HINT2: variants seen among roughly 807,000 people sequenced by gnomAD.
HINT2 encodes histidine triad nucleotide binding protein 2, also known as adenosine 5'-monophosphoramidase HINT2.
A neutral mutation model predicts 20.0 loss-of-function variants in HINT2; 17 were observed. That is an observed-to-expected ratio of 0.85 (90% CI 0.58 to 1.27). The LOEUF (loss-of-function observed/expected upper bound fraction) is 1.27, where lower values mean the gene tolerates loss of function less well. HINT2 is among the 50% of genes most tolerant of loss of function. The pLI, the probability that HINT2 is intolerant of heterozygous loss-of-function variation, is 0.00. For missense variants in HINT2, 217 were observed against 211.9 expected (o/e 1.02, Z -0.15); for synonymous variants, 96 against 84.2 (o/e 1.14, Z -0.77).
Position 35,814,972 on chromosome 9 carries a change from G to A in HINT2, c.8C>T (p.Ala3Val). MAAAVVLAAGLRA... is the reference protein window; with the variant it reads MAVAVVLAAGLRA... ...CAACCCAGCAGCCAGCACCACGGCT[G>A]CCGCCATCTTCCCTGAGCCGCGGGA... is the stretch of plus-strand genomic sequence containing the variant. The change falls in exon 1 of 5, where the codon GCA (alanine) becomes GTA (valine). Residue 3 changes from alanine (A) to valine (V), a missense_variant. Physicochemically the swap from Ala to Val is moderately conservative, Grantham distance 64. Transcript: ENST00000259667. 1.4e-6 allele frequency: 2 copies of A among 1,473,786 alleles called. No individual in the cohort carries two copies. Among genetic ancestry groups the A allele is most frequent in the Non-Finnish European group, 1.8e-6 (2 of 1,119,788 alleles). The allele number at this position is 1,473,786 out of a possible 1,614,324, so 91.3% of individuals were successfully genotyped here.
At position 35,813,633 on chromosome 9, in the gene HINT2, G is replaced by C; in HGVS notation, c.222+11C>G. On this transcript the variant is annotated intron_variant, in intron 2 of 4. Coordinates refer to ENST00000259667, the MANE Select transcript of HINT2 (RefSeq NM_032593.3). Reference sequence around the variant, plus strand: ...ACATTCCTAAGGGGATAGGTCCTAAGAGCACCCCACCTGCTGGTCCTCATA... The same window carrying C: ...ACATTCCTAAGGGGATAGGTCCTAACAGCACCCCACCTGCTGGTCCTCATA... 1 of 1,614,196 alleles carries C rather than the reference G, an allele frequency of 6.2e-7. No individual in the cohort carries two copies. Among genetic ancestry groups the C allele is most frequent in the Non-Finnish European group, 8.5e-7 (1 of 1,180,030 alleles).
intron 1 of HINT2, 48 bp downstream of exon 1, chr9:35,814,851 G>C (rs1828978944): frequency 1.4e-6 from 2 of 1,443,426 alleles, no homozygotes; most frequent in South Asian, 2.6e-5. Flanking sequence ...GCCCCGGATG[G>C]CTTCGGAGCC....
chr9:35,813,188 G>A (rs1564001368), intron 4 of HINT2, 43 bp from the exon 5 acceptor site: 1 of 1,612,204 alleles, frequency 6.2e-7, no homozygotes, highest in Admixed American at 1.7e-5. Context: ...TCATGGCAGA[G>A]GTCGAAGAAT....
In HINT2 at chr9:35,812,995, C is replaced by G; in HGVS notation, c.*59G>C. The G allele has an allele frequency of 7.8e-6, 10 of 1,286,564 alleles. No homozygotes were observed. Among genetic ancestry groups the G allele is most frequent in the Non-Finnish European group, 1.0e-5 (9 of 881,238 alleles). The allele number at this position is 1,286,564 out of a possible 1,614,324, so 79.7% of individuals were successfully genotyped here. Reference sequence around the variant, plus strand: ...ACAGTTTTATTAGCATCACAGGGTCCATTTTTCCCTTTCCATCCAAGCATC... The same window carrying G: ...ACAGTTTTATTAGCATCACAGGGTCGATTTTTCCCTTTCCATCCAAGCATC... On this transcript the variant is annotated 3_prime_UTR_variant, in exon 5 of 5. Coordinates refer to ENST00000259667, the MANE Select transcript of HINT2 (RefSeq NM_032593.3).
rs374527612 is a variant in HINT2, at chr9:35,813,435, T to A, written c.327+10A>T. ...TCCTCCCAGCCAAACCCTGGCCCTG[T>A]TCTTCCCACCTGCTGGTCTTCTTCT... On this transcript the variant is annotated intron_variant, in intron 3 of 4. Coordinates refer to ENST00000259667, the MANE Select transcript of HINT2 (RefSeq NM_032593.3). The A allele has an allele frequency of 1.9e-6, 3 of 1,614,060 alleles. No homozygotes were observed. The East Asian group carries it at 6.7e-5, about 36-fold the overall frequency.
upstream of HINT2, chr9:35,815,050 C>T (rs1828987203): frequency 9.9e-6 from 13 of 1,309,558 alleles, no homozygotes; most frequent in South Asian, 2.4e-4. Flanking sequence ...GGTGGGGACT[C>T]CGGGCGCGGG....
At chr9:35,814,741 C>T (rs981712461) in intron 1 of HINT2, 158 bp downstream of exon 1, 14 of 614,192 alleles carry the variant, frequency 2.3e-5, no homozygotes, top group Admixed American at 1.3e-4. Context: ...CCGGAGCCAC[C>T]AGTTCGACCT....
rs1020193220 is a variant in HINT2, at chr9:35,813,001, T to C, written c.*53A>G. ...TTATTAGCATCACAGGGTCCATTTT[T>C]CCCTTTCCATCCAAGCATCCAGAGT... On this transcript the variant is annotated 3_prime_UTR_variant, in exon 5 of 5. Coordinates refer to ENST00000259667, the MANE Select transcript of HINT2 (RefSeq NM_032593.3). 1.3e-5 allele frequency: 18 copies of C among 1,383,044 alleles called. No individual in the cohort carries two copies. The highest frequency in any genetic ancestry group is 1.5e-5 in the Non-Finnish European group (15 of 969,110). 85.7% of individuals were successfully genotyped at this position (1,383,044 alleles called of 1,614,324 possible).
At chr9:35,813,951 T>C in intron 1 of HINT2, 167 bp from the exon 2 acceptor site, 1 of 684,122 alleles carries the variant, frequency 1.5e-6, no homozygotes, top group Non-Finnish European at 2.4e-6. Flanking sequence ...GTGCTGGACC[T>C]GGTTAGATAA....
upstream of HINT2, chr9:35,815,087 GC>G: frequency 9.7e-7 from 1 of 1,033,212 alleles, no homozygotes; most frequent in Non-Finnish European, 1.3e-6. Flanking sequence ...GGCCGGGCGA[GC>G]CCTGCTACCC....
At chr9:35,814,863 G>T in intron 1 of HINT2, 36 bp downstream of exon 1, 1 of 1,467,912 alleles carries the variant, frequency 6.8e-7, no homozygotes, top group Non-Finnish European at 9.0e-7. Context: ...TTCGGAGCCC[G>T]CAGGACCCCC....
At chr9:35,813,574 C>A (rs1032896415) in intron 2 of HINT2, 25 bp from the exon 3 acceptor site, 1 of 1,613,762 alleles carries the variant, frequency 6.2e-7, no homozygotes, top group African/African-American at 1.3e-5. Context: ...AGGCCAGAGG[C>A]CACGTTACTT....
intron 4 of HINT2, 37 bp downstream of exon 4, chr9:35,813,229 T>A (rs1424081433): frequency 6.2e-7 from 1 of 1,613,302 alleles, no homozygotes; most frequent in East Asian, 2.2e-5. Flanking sequence ...GGAATGAGAA[T>A]TCATAGGTGA....
In HINT2 at chr9:35,814,812, G is replaced by T. The variant is rs1828977555; in HGVS notation, c.81+87C>A. On this transcript the variant is annotated intron_variant, in intron 1 of 4. Transcript: ENST00000259667. ...CAGAGGCCACAGGCAGGAGCTCTGC[G>T]CGGCTCTGCGCGCCTTCGGGACCCC... The T allele has an allele frequency of 3.1e-5, 37 of 1,179,000 alleles. No homozygotes were observed. The South Asian group carries it at 5.2e-4, about 17-fold the overall frequency. 73.0% of individuals were successfully genotyped at this position (1,179,000 alleles called of 1,614,324 possible).
At chr9:35,813,874 A>G in intron 1 of HINT2, 90 bp from the exon 2 acceptor site, 1 of 1,413,976 alleles carries the variant, frequency 7.1e-7, no homozygotes, top group East Asian at 2.5e-5. Context: ...TAACCTATTC[A>G]TCGTTCCCAC....
upstream of HINT2, chr9:35,815,104 G>T: frequency 1.1e-6 from 1 of 890,252 alleles, no homozygotes; most frequent in Non-Finnish European, 1.6e-6. Context: ...TACCCCATTG[G>T]AGCGCGCCTC....
intron 1 of HINT2, 69 bp from the exon 2 acceptor site, chr9:35,813,853 C>T (rs1410804228): frequency 8.6e-6 from 13 of 1,514,018 alleles, no homozygotes; most frequent in South Asian, 1.2e-5. Context: ...TTGTTAATTT[C>T]GTCCTTCTAA....
rs1326959607 is a variant in HINT2, at chr9:35,814,725, C to T, written c.81+174G>A. The T allele has an allele frequency of 1.4e-5, 8 of 571,710 alleles. No homozygotes were observed. In the African/African-American group the frequency reaches 1.6e-4, roughly 11 times the overall value. The allele number at this position is 571,710 out of a possible 1,614,324, so 35.4% of individuals were successfully genotyped here. On this transcript the variant is annotated intron_variant, in intron 1 of 4. Coordinates refer to ENST00000259667, the MANE Select transcript of HINT2 (RefSeq NM_032593.3). ...CGCAGGGCGGGAATCAGCACCAGCT[C>T]GTTCTCCGGAGCCACCAGTTCGACC...
chr9:35,813,253 A>G lies in HINT2; in HGVS notation c.400+13T>C. 1 of 1,614,020 alleles carries G rather than the reference A, an allele frequency of 6.2e-7. No homozygotes were observed. The highest frequency in any genetic ancestry group is 8.5e-7 in the Non-Finnish European group (1 of 1,179,870). ...ATTCATAGGTGAGGGACCAAGGGCC[A>G]AAAGTCACTCACCAAGTCGGTATCC... On this transcript the variant is annotated intron_variant, in intron 4 of 4. Transcript: ENST00000259667.
Sources: gnomAD v4.1 joint callset for allele counts on GRCh38, gnomAD v4.1.1 for gene constraint, MANE v1.5 for transcripts, NCBI Gene and HGNC (gene_info 2026-07-23, HGNC 2026-07-21) for gene names.